Variants in CACNA1A observed in about 807,000 individuals in gnomAD.
CACNA1A encodes the protein calcium voltage-gated channel subunit alpha1 A, also known as voltage-dependent P/Q-type calcium channel subunit alpha-1A.
In CACNA1A, 57 loss-of-function variants were observed where a neutral mutation model predicts 262.4. The ratio of observed to expected loss-of-function variants is 0.22; its 90% CI spans 0.18 to 0.27. The LOEUF (loss-of-function observed/expected upper bound fraction) is 0.27, where lower values mean the gene tolerates loss of function less well. Ranked by LOEUF, CACNA1A falls within the 10% of genes least tolerant of loss-of-function variation. The pLI is 1.00. For synonymous variants in CACNA1A, 1,431 were observed against 1,419.3 expected, an observed-to-expected ratio of 1.01 and a Z score of -0.18; for missense variants, 2,526 against 3,562.8, an observed-to-expected ratio of 0.71 and a Z score of 7.41.
intron 6 of CACNA1A, among the ~76,000 whole-genome samples, chr19:13,352,414 A>G (rs985908696): frequency 6.6e-6 from 1 of 151,854 alleles, no homozygotes; most frequent in Non-Finnish European, 1.5e-5. Context: ...AAAAAAAAAA[A>G]AAAAAAGTAA....
At chr19:13,339,799 T>G in intron 6 of CACNA1A, among the ~76,000 whole-genome samples, 1 of 147,852 alleles carries the variant, frequency 6.8e-6, no homozygotes, top group African/African-American at 2.5e-5. Context: ...GCACTGAAAA[T>G]AAAACTAACA....
chr19:13,390,234 C>T (rs1349564621), intron 3 of CACNA1A, among the ~76,000 whole-genome samples: 1 of 152,076 alleles, frequency 6.6e-6, no homozygotes, highest in Non-Finnish European at 1.5e-5. Context: ...CTGTCTCAGC[C>T]TCCTGAGTAG....
intron 30 of CACNA1A, among the ~76,000 whole-genome samples, chr19:13,252,307 C>T (rs936506356): frequency 7.2e-5 from 11 of 151,890 alleles, no homozygotes; most frequent in Admixed American, 7.2e-4. Context: ...CTCCTAGCTT[C>T]AAGCGATCCT....
intron 1 of CACNA1A, among the ~76,000 whole-genome samples, chr19:13,458,131 C>T (rs1422978187): frequency 6.6e-6 from 1 of 152,066 alleles, no homozygotes; most frequent in Non-Finnish European, 1.5e-5. Flanking sequence ...CCTCTCCCCT[C>T]CCCTCTCCTT....
At chr19:13,321,332 G>A (rs767412526) in intron 10 of CACNA1A, among the ~76,000 whole-genome samples, 7 of 152,192 alleles carry the variant, frequency 4.6e-5, no homozygotes, top group East Asian at 1.9e-4. Flanking sequence ...CTGGGCGTCC[G>A]GGCCAGTCTG....
Position 13,235,525 on chromosome 19 carries a change from G to A in CACNA1A, c.5067+89C>T, listed in dbSNP as rs193251864. On this transcript the variant is annotated intron_variant, in intron 32 of 46. Transcript: ENST00000360228. ...TTCTCTGCACGACTACATCACAGAG[G>A]CACTTCCAATCTGACTTCTACATTC... is the stretch of plus-strand genomic sequence containing the variant. The A allele has an allele frequency of 3.5e-5, 32 of 921,128 alleles. No individual in the cohort carries two copies. The East Asian group carries it at 7.4e-4, about 21-fold the overall frequency. The allele number at this position is 921,128 out of a possible 1,614,324, so 57.1% of individuals were successfully genotyped here.
At chr19:13,434,023 G>C (rs77620703) in intron 3 of CACNA1A, among the ~76,000 whole-genome samples, 57 of 152,258 alleles carry the variant, frequency 3.7e-4, no homozygotes, top group Non-Finnish European at 7.2e-4. Flanking sequence ...CTTGGGGCAA[G>C]TCCTCTAGCT....
intron 3 of CACNA1A, among the ~76,000 whole-genome samples, chr19:13,411,589 T>C (rs2060109341): frequency 6.6e-6 from 1 of 152,122 alleles, no homozygotes; most frequent in East Asian, 1.9e-4. Flanking sequence ...AATTACCCAG[T>C]CTCAGGTATG....
At chr19:13,285,011 C>G (rs1437348709) in intron 21 of CACNA1A, 57 bp downstream of exon 21, 36 of 1,601,288 alleles carry the variant, frequency 2.2e-5, no homozygotes, top group Admixed American at 5.0e-5. Flanking sequence ...GGCCTGACTT[C>G]CGCCACCCTG....
At chr19:13,436,657 G>A (rs2060618296) in intron 3 of CACNA1A, among the ~76,000 whole-genome samples, 1 of 152,130 alleles carries the variant, frequency 6.6e-6, no homozygotes, top group Non-Finnish European at 1.5e-5. Context: ...TTCTACACGA[G>A]GCTCTGTGGT....
chr19:13,227,262 T>C (rs2055488494), intron 37 of CACNA1A, 169 bp downstream of exon 37: 1 of 414,426 alleles, frequency 2.4e-6, no homozygotes, highest in Non-Finnish European at 4.5e-6. Context: ...GGGATGGTCA[T>C]GATCAGTTGA....
At chr19:13,208,349 C>T (rs1423672445) in intron 46 of CACNA1A, among the ~76,000 whole-genome samples, 4 of 151,860 alleles carry the variant, frequency 2.6e-5, no homozygotes, top group South Asian at 2.1e-4. Flanking sequence ...TTGTAAGTTT[C>T]GGGGTTAAAA....
chr19:13,504,510 A>G (rs1982777935), intron 1 of CACNA1A, among the ~76,000 whole-genome samples: 1 of 152,096 alleles, frequency 6.6e-6, no homozygotes, highest in South Asian at 2.1e-4. Flanking sequence ...CCCTGAAGTG[A>G]GTCCCTCTAC....
At chr19:13,453,576 A>G (rs916907449) in intron 2 of CACNA1A, among the ~76,000 whole-genome samples, 1 of 152,190 alleles carries the variant, frequency 6.6e-6, no homozygotes, top group African/African-American at 2.4e-5. Context: ...CTCAGCTGGC[A>G]TGTAGATTGT....
intron 31 of CACNA1A, among the ~76,000 whole-genome samples, chr19:13,240,584 C>T (rs919670834): frequency 4.3e-5 from 6 of 139,604 alleles, no homozygotes; most frequent in South Asian, 2.4e-4. Flanking sequence ...CCAGTTTCTG[C>T]GTGCAGTGAC....
chr19:13,253,011 C>T lies in CACNA1A; in HGVS notation c.4846G>A (p.Val1616Ile), dbSNP rs2056443387. Residue 1616 changes from valine (V) to isoleucine (I), a missense_variant, in exon 30 of 47, where the codon GTC becomes ATC. By Grantham distance (29) the Val-to-Ile change is conservative. Transcript: ENST00000360228. ...SLFSLECVLK[V>I]MAFGILNYFR... The stretch of plus-strand genomic sequence containing the variant: ...CTTACCAGAATCCCAAAAGCCATGA[C>T]TTTCAGCACACATTCCAGAGAGAAG... The T allele has an allele frequency of 1.2e-6, 2 of 1,612,942 alleles. No individual in the cohort carries two copies. Among genetic ancestry groups the T allele is most frequent in the Admixed American group, 1.7e-5 (1 of 59,998 alleles).
intron 24 of CACNA1A, among the ~76,000 whole-genome samples, chr19:13,268,589 C>T (rs145034936): frequency 0.011 from 1,642 of 152,130 alleles, 31 homozygotes; most frequent in African/African-American, 0.035. Context: ...CCCACCACCA[C>T]GCCCAGCTAA....
intron 3 of CACNA1A, among the ~76,000 whole-genome samples, chr19:13,429,669 A>T (rs1297324440): frequency 6.6e-6 from 1 of 151,870 alleles, no homozygotes; most frequent in Non-Finnish European, 1.5e-5. Flanking sequence ...CTATTTGTAC[A>T]CACAGGTTTA....
chr19:13,220,423 C>T (rs1490137207), intron 38 of CACNA1A, among the ~76,000 whole-genome samples: 1 of 152,186 alleles, frequency 6.6e-6, no homozygotes, highest in African/African-American at 2.4e-5. Flanking sequence ...ATTACATGCA[C>T]TTCCAGGAGC....
Sources: allele counts gnomAD v4.1 joint callset (sites outside exome capture counted in the v4.1 genomes callset), GRCh38; gene constraint gnomAD v4.1.1; transcripts MANE v1.5; gene names NCBI Gene and HGNC (gene_info 2026-07-23, HGNC 2026-07-21).